DNAH5: variants seen among roughly 807,000 people sequenced by gnomAD.
DNAH5 encodes dynein axonemal heavy chain 5, also known as axonemal beta dynein heavy chain 5.
DNAH5 carries 372 observed loss-of-function variants against 518.2 expected under a neutral mutation model. That is an observed-to-expected ratio of 0.72 (90% CI 0.66 to 0.78). The LOEUF is 0.78. Ranked by LOEUF, DNAH5 falls within the 30% of genes least tolerant of loss-of-function variation. The probability of loss-of-function intolerance (pLI) is 0.00; values close to 1 mark genes in which losing one functional copy is unlikely to be tolerated. For synonymous variants in DNAH5, 2,039 were observed against 2,025.9 expected (o/e 1.01, Z -0.17); for missense variants, 5,523 against 5,687.0 (o/e 0.97, Z 0.93).
intron 43 of DNAH5, among the ~76,000 whole-genome samples, chr5:13,813,006 C>A (rs998529386): frequency 6.6e-6 from 1 of 152,168 alleles, no homozygotes; most frequent in African/African-American, 2.4e-5. Flanking sequence ...TTCACTAGGG[C>A]AGGTAACCAG....
chr5:13,780,483 T>C (rs1323084704), intron 53 of DNAH5, among the ~76,000 whole-genome samples: 1 of 152,344 alleles, frequency 6.6e-6, no homozygotes, highest in African/African-American at 2.4e-5. Flanking sequence ...TCTTCATCTA[T>C]TTTTCCATTG....
chr5:13,706,035 G>A (rs1023570739), intron 76 of DNAH5, among the ~76,000 whole-genome samples: 9 of 152,170 alleles, frequency 5.9e-5, no homozygotes, highest in African/African-American at 1.9e-4. Flanking sequence ...CCACCCAGTC[G>A]GTGGTACTTT....
At chr5:13,909,322 T>C (rs6880615) in intron 12 of DNAH5, among the ~76,000 whole-genome samples, 113,073 of 151,990 alleles carry the variant, frequency 0.74, 42,386 homozygotes, top group East Asian at 0.96. Flanking sequence ...AATAAAATAG[T>C]ACAATTTTTA....
Position 13,914,662 on chromosome 5 carries a change from T to G in DNAH5, c.1198-20A>C. The G allele has an allele frequency of 1.2e-6, 2 of 1,611,830 alleles. No individual in the cohort carries two copies. On this transcript the variant is annotated intron_variant, in intron 9 of 78. Transcript: ENST00000265104. The stretch of plus-strand genomic sequence containing the variant: ...TGTCACCTGGGATTTTCCAATAAAA[T>G]GATGTTAAGCACATAAAACAGCCAT...
chr5:13,747,245 T>G (rs1214167662), intron 65 of DNAH5, among the ~76,000 whole-genome samples: 1 of 152,236 alleles, frequency 6.6e-6, no homozygotes. Context: ...TGCATAGTAT[T>G]CCATGGTGTA....
At chr5:13,925,245 C>T (rs1047414464) in intron 3 of DNAH5, among the ~76,000 whole-genome samples, 6 of 151,986 alleles carry the variant, frequency 3.9e-5, no homozygotes, top group Non-Finnish European at 8.8e-5. Flanking sequence ...AAGGCACCAA[C>T]GCATGATAGA....
chr5:13,776,377 C>G (rs1016137222), intron 55 of DNAH5, 62 bp downstream of exon 55: 5 of 1,608,160 alleles, frequency 3.1e-6, no homozygotes, highest in Non-Finnish European at 2.6e-6. Context: ...TTCAAGCATC[C>G]CTGAAAGAAC....
At chr5:13,919,567 A>G (rs1310698925) in intron 6 of DNAH5, among the ~76,000 whole-genome samples, 2 of 152,164 alleles carry the variant, frequency 1.3e-5, no homozygotes, top group Admixed American at 6.5e-5. Flanking sequence ...ACTGAAAACA[A>G]CTTATGCTTT....
At chr5:13,766,293 G>T in intron 58 of DNAH5, 114 bp from the exon 59 acceptor site, 1 of 1,111,774 alleles carries the variant, frequency 9.0e-7, no homozygotes, top group Non-Finnish European at 1.4e-6. Context: ...TTTTAAGTTA[G>T]ATGCAGGCCA....
intron 31 of DNAH5, among the ~76,000 whole-genome samples, chr5:13,846,308 CCA>C (rs1766000300): frequency 6.6e-6 from 1 of 152,104 alleles, no homozygotes; most frequent in Non-Finnish European, 1.5e-5. Context: ...CAAGTAGACC[CCA>C]GTGTTTGTTG....
chr5:13,786,620 A>AT (rs369904264), intron 51 of DNAH5, among the ~76,000 whole-genome samples: 9 of 152,338 alleles, frequency 5.9e-5, no homozygotes, highest in African/African-American at 2.2e-4. Context: ...CCCACAACTG[A>AT]TTATTGGCAT....
At chr5:13,726,231 C>A (rs1046605914) in intron 70 of DNAH5, among the ~76,000 whole-genome samples, 1 of 152,178 alleles carries the variant, frequency 6.6e-6, no homozygotes, top group African/African-American at 2.4e-5. Context: ...ATCCAACAGG[C>A]CTTCTAAACC....
rs769632949 is a variant in DNAH5 at position 13,870,846 on chromosome 5, T to G, written c.3755A>C (p.Asp1252Ala). 6.2e-7 allele frequency: 1 copy of G among 1,613,856 alleles called. No homozygotes were observed. Among genetic ancestry groups the G allele is most frequent in the Non-Finnish European group, 8.5e-7 (1 of 1,179,836 alleles). The change falls in exon 24 of 79, where the codon GAT (aspartate) becomes GCT (alanine). Residue 1252 changes from aspartate to alanine, a missense_variant. Around this residue, in one of 3 missense-constraint regions of DNAH5, gnomAD observed 5,121 missense variants for 5,223.3 expected, o/e 0.98. Transcript: ENST00000265104. The part of the protein sequence containing the change: ...KLNRPIKDLD[D>A]IRIAMAALKE... Reference sequence around the variant, plus strand: ...CAGCGCTGCCATTGCAATCCGAATATCATCTAGGTCCTTAATTGGACGATT... The same window carrying G: ...CAGCGCTGCCATTGCAATCCGAATAGCATCTAGGTCCTTAATTGGACGATT...
chr5:13,778,596 A>AAGAAAGAAAGAGAGAGAG (rs768853052), intron 53 of DNAH5, among the ~76,000 whole-genome samples: 1 of 102,146 alleles, frequency 9.8e-6, no homozygotes, highest in Non-Finnish European at 2.0e-5. Context: ...GAAAGAAAGA[A>AAGAAAGAAAGAGAGAGAG]AGAGAGAGAG....
intron 65 of DNAH5, among the ~76,000 whole-genome samples, chr5:13,747,418 A>G (rs926410345): frequency 6.6e-6 from 1 of 152,090 alleles, no homozygotes; most frequent in Non-Finnish European, 1.5e-5. Flanking sequence ...ATGGGATGGC[A>G]GGGTCAAATG....
intron 35 of DNAH5, among the ~76,000 whole-genome samples, chr5:13,830,995 C>T (rs1310898691): frequency 6.6e-6 from 1 of 151,876 alleles, no homozygotes; most frequent in African/African-American, 2.4e-5. Context: ...AGTTTAAAAA[C>T]TCCTTAAAAG....
chr5:13,752,126 T>A lies in DNAH5; in HGVS notation c.11028+8A>T. ...TTCTGCACATTGTCATCCATAGGTT[T>A]AACCTACCTTAAAGGTAGACCCAGT... On this transcript the variant is annotated splice_region_variant and intron_variant, in intron 64 of 78. Coordinates refer to ENST00000265104, the MANE Select transcript of DNAH5 (RefSeq NM_001369.3). The A allele has an allele frequency of 6.2e-7, 1 of 1,613,750 alleles. No individual in the cohort carries two copies. Among genetic ancestry groups the A allele is most frequent in the African/African-American group, 1.3e-5 (1 of 75,038 alleles).
intron 18 of DNAH5, 102 bp from the exon 19 acceptor site, chr5:13,885,330 A>G: frequency 7.0e-7 from 1 of 1,419,892 alleles, no homozygotes; most frequent in Non-Finnish European, 9.8e-7. Flanking sequence ...TGTTGCAATT[A>G]AAGGATAAAT....
intron 1 of DNAH5, among the ~76,000 whole-genome samples, chr5:13,936,170 C>T (rs1261499804): frequency 6.6e-6 from 1 of 152,184 alleles, no homozygotes; most frequent in African/African-American, 2.4e-5. Context: ...CCAGCTCTGA[C>T]ACTAATTGCA....
Sources: gnomAD v4.1 joint callset for allele counts (sites outside exome capture counted in the v4.1 genomes callset) on GRCh38, gnomAD v4.1.1 for gene constraint, gnomAD v4.1.1 regional missense constraint, MANE v1.5 for transcripts, NCBI Gene and HGNC (gene_info 2026-07-23, HGNC 2026-07-21) for gene names.